The following C12orf42 variants were observed in gnomAD, a reference collection of about 807,000 sequenced individuals.
The protein encoded by C12orf42 is uncharacterized protein C12orf42.
A neutral mutation model predicts 21.6 loss-of-function variants in C12orf42; 25 were observed. That is an observed-to-expected ratio of 1.16 (90% CI 0.84 to 1.62). The LOEUF is 1.62. Among genes scored for constraint, C12orf42 ranks in the 40% most tolerant of loss-of-function variants. The probability of loss-of-function intolerance (pLI) is 0.00; values close to 1 mark genes in which losing one functional copy is unlikely to be tolerated. For synonymous variants in C12orf42, 174 were observed against 175.0 expected, an observed-to-expected ratio of 0.99 and a Z score of 0.05; for missense variants, 483 against 459.3, an observed-to-expected ratio of 1.05 and a Z score of -0.47.
At chr12:103,198,527 C>T in the C12orf42 span, among the ~76,000 whole-genome samples, 1 of 152,044 alleles carries the variant, frequency 6.6e-6, no homozygotes, top group African/African-American at 2.4e-5. Flanking sequence ...GGGCATCCCT[C>T]GCCATGCTCC....
At chr12:103,412,806 G>C (rs139707956) in intron 2 of C12orf42, among the ~76,000 whole-genome samples, 1 of 152,108 alleles carries the variant, frequency 6.6e-6, no homozygotes, top group African/African-American at 2.4e-5. Context: ...CATTTTTAAT[G>C]ATGTTATTTG....
chr12:103,279,308 G>T (rs1356377150), intron 4 of C12orf42, among the ~76,000 whole-genome samples: 1 of 152,108 alleles, frequency 6.6e-6, no homozygotes, highest in African/African-American at 2.4e-5. Flanking sequence ...TGTGGTAATG[G>T]TTCCTCAGAT....
chr12:103,559,620 A>G, the C12orf42 span: 1 of 152,220 alleles, frequency 6.6e-6, no homozygotes, highest in African/African-American at 2.4e-5. Flanking sequence ...TCTCGACATG[A>G]GAAGTGTAAC....
chr12:103,227,361 G>A, the C12orf42 span, among the ~76,000 whole-genome samples: 4 of 151,884 alleles, frequency 2.6e-5, no homozygotes, highest in African/African-American at 9.7e-5. Flanking sequence ...AAGAGGTCGG[G>A]GTGAGGAAAT....
chr12:103,380,232 A>G (rs989096159), intron 3 of C12orf42, among the ~76,000 whole-genome samples: 13 of 152,188 alleles, frequency 8.5e-5, no homozygotes, highest in African/African-American at 3.1e-4. Flanking sequence ...GACTTCCTCC[A>G]GTGAAAGTTA....
intron 1 of C12orf42, among the ~76,000 whole-genome samples, chr12:103,480,551 A>G (rs1000045033): frequency 2.0e-5 from 3 of 151,446 alleles, no homozygotes; most frequent in Non-Finnish European, 3.0e-5. Context: ...CTTCTTTTCT[A>G]ATGTATTTAA....
chr12:103,460,113 CA>C (rs1952589516), intron 2 of C12orf42, among the ~76,000 whole-genome samples: 1 of 152,024 alleles, frequency 6.6e-6, no homozygotes, highest in African/African-American at 2.4e-5. Context: ...GGATAAATAC[CA>C]AAAGCTCAGT....
chr12:103,487,783 CT>C (rs1173416149), intron 1 of C12orf42, among the ~76,000 whole-genome samples: 6 of 151,834 alleles, frequency 4.0e-5, no homozygotes, highest in African/African-American at 1.2e-4. Flanking sequence ...GCAACCCCTC[CT>C]TTTTTTTGCT....
At chr12:103,426,048 C>T (rs1258811040) in intron 2 of C12orf42, among the ~76,000 whole-genome samples, 1 of 152,200 alleles carries the variant, frequency 6.6e-6, no homozygotes, top group African/African-American at 2.4e-5. Context: ...AACCAGAACG[C>T]CTCTTCTCCA....
chr12:103,520,609 A>G, the C12orf42 span, among the ~76,000 whole-genome samples: 2,985 of 152,286 alleles, frequency 0.02, 89 homozygotes, highest in African/African-American at 0.068. Flanking sequence ...ACCGAAGCCC[A>G]GGAACTCACA....
the C12orf42 span, among the ~76,000 whole-genome samples, chr12:103,181,803 A>G: frequency 1.3e-5 from 2 of 149,584 alleles, no homozygotes; most frequent in Non-Finnish European, 3.0e-5. Context: ...CCACTCATCT[A>G]TAATCTACAC....
At chr12:103,109,695 A>G in the C12orf42 span, among the ~76,000 whole-genome samples, 6 of 151,154 alleles carry the variant, frequency 4.0e-5, no homozygotes, top group African/African-American at 1.2e-4. Context: ...TAGAAATGGC[A>G]CTACATTAAA....
the C12orf42 span, among the ~76,000 whole-genome samples, chr12:103,056,357 C>A: frequency 6.6e-6 from 1 of 152,134 alleles, no homozygotes; most frequent in Non-Finnish European, 1.5e-5. Flanking sequence ...GGTGCCATTT[C>A]TCTCTCACTG....
At chr12:103,127,024 T>C in the C12orf42 span, among the ~76,000 whole-genome samples, 3 of 152,248 alleles carry the variant, frequency 2.0e-5, no homozygotes, top group African/African-American at 4.8e-5. Flanking sequence ...CTATTTGTTT[T>C]ACTTGTCAGA....
At chr12:103,440,759 T>C (rs1345319243) in intron 2 of C12orf42, among the ~76,000 whole-genome samples, 2 of 152,028 alleles carry the variant, frequency 1.3e-5, no homozygotes, top group Non-Finnish European at 2.9e-5. Context: ...ACACCGTGGC[T>C]CCCCTCTTGG....
chr12:103,125,924 C>T, the C12orf42 span, among the ~76,000 whole-genome samples: 1 of 152,162 alleles, frequency 6.6e-6, no homozygotes, highest in Non-Finnish European at 1.5e-5. Flanking sequence ...GATTTCTCAT[C>T]TTGGGGAAAT....
At chr12:103,173,847 T>C in the C12orf42 span, among the ~76,000 whole-genome samples, 2 of 152,164 alleles carry the variant, frequency 1.3e-5, no homozygotes, top group Non-Finnish European at 1.5e-5. Context: ...AACTCAAGCA[T>C]ACCCTCTATT....
At chr12:103,220,916 T>C in the C12orf42 span, among the ~76,000 whole-genome samples, 2 of 152,212 alleles carry the variant, frequency 1.3e-5, no homozygotes, top group African/African-American at 4.8e-5. Context: ...CCTTCTTTCA[T>C]TTCTAATCTC....
chr12:103,483,973 C>T (rs1954649432), intron 1 of C12orf42, among the ~76,000 whole-genome samples: 1 of 152,146 alleles, frequency 6.6e-6, no homozygotes, highest in African/African-American at 2.4e-5. Flanking sequence ...CACCCACATC[C>T]CAGCAAAGGA....
Sources: gnomAD v4.1 joint callset for allele counts (sites outside exome capture counted in the v4.1 genomes callset) on GRCh38, gnomAD v4.1.1 for gene constraint, MANE v1.5 for transcripts, NCBI Gene and HGNC (gene_info 2026-07-23, HGNC 2026-07-21) for gene names.